Variants in GPC5 observed in about 807,000 individuals in gnomAD.
GPC5 encodes the protein glypican-5.
A neutral mutation model predicts 53.9 loss-of-function variants in GPC5; 47 were observed. That is an observed-to-expected ratio of 0.87 (90% CI 0.69 to 1.11). The LOEUF is 1.11. GPC5 is among the 50% of genes most tolerant of loss of function. The pLI is 0.00. For missense variants in GPC5, 748 were observed against 713.1 expected (o/e 1.05, Z -0.56); for synonymous variants, 286 against 263.3 (o/e 1.09, Z -0.84).
At chr13:91,916,258 A>G (rs1157560347) in intron 6 of GPC5, among the ~76,000 whole-genome samples, 4 of 152,222 alleles carry the variant, frequency 2.6e-5, no homozygotes, top group African/African-American at 9.6e-5. Flanking sequence ...TCAAAATGTT[A>G]ACCATTATGA....
intron 5 of GPC5, among the ~76,000 whole-genome samples, chr13:91,803,081 A>T (rs1285972886): frequency 5.3e-5 from 8 of 152,182 alleles, no homozygotes; most frequent in Non-Finnish European, 1.2e-4. Flanking sequence ...CAGAACTCAA[A>T]CAATTTGAAG....
chr13:92,111,876 A>T (rs1275474763), intron 6 of GPC5, among the ~76,000 whole-genome samples: 1 of 152,200 alleles, frequency 6.6e-6, no homozygotes, highest in African/African-American at 2.4e-5. Context: ...ACTATTTTGA[A>T]GGGAGGATGA....
At chr13:92,600,201 A>G (rs1884002216) in intron 7 of GPC5, among the ~76,000 whole-genome samples, 1 of 152,122 alleles carries the variant, frequency 6.6e-6, no homozygotes, top group South Asian at 2.1e-4. Context: ...TTTTTCTCCA[A>G]CAGTACAACC....
chr13:91,760,759 A>G (rs372968577), intron 5 of GPC5, among the ~76,000 whole-genome samples: 10 of 152,314 alleles, frequency 6.6e-5, no homozygotes, highest in South Asian at 2.1e-4. Flanking sequence ...AAACTGTGTG[A>G]AATCACCTAT....
intron 7 of GPC5, among the ~76,000 whole-genome samples, chr13:92,199,620 T>C (rs1248136254): frequency 1.3e-5 from 2 of 152,344 alleles, no homozygotes; most frequent in East Asian, 3.9e-4. Flanking sequence ...ACACTTTGTA[T>C]GTTTGGCTAT....
intron 7 of GPC5, among the ~76,000 whole-genome samples, chr13:92,163,642 C>G (rs2042006844): frequency 6.6e-6 from 1 of 152,116 alleles, no homozygotes; most frequent in Non-Finnish European, 1.5e-5. Context: ...CTTGTCATCA[C>G]TAGCTACACC....
At position 92,031,752 on chromosome 13, in the gene GPC5, T is replaced by TATTATATATTATATATAATATATAA. The variant is rs1566403212; in HGVS notation, c.1402-113078_1402-113077insATTATATATTATATATAATATATAA. On this transcript the variant is annotated intron_variant, in intron 6 of 7. Transcript: ENST00000377067. ...TATTACATATTATATATAATATATA[T>TATTATATATTATATATAATATATAA]TATATTACATATTATATATAATATA... Among the ~76,000 whole-genome samples the TATTATATATTATATATAATATATAA allele has an allele frequency of 2.1e-4, 9 of 43,728 alleles. 1 individual carries two copies. Among genetic ancestry groups the TATTATATATTATATATAATATATAA allele is most frequent in the African/African-American group, 1.2e-3 (9 of 7,736 alleles). The allele number at this position is 43,728 out of a possible 152,430, so 28.7% of individuals were successfully genotyped here.
intron 7 of GPC5, among the ~76,000 whole-genome samples, chr13:92,592,857 T>A (rs897935235): frequency 5.3e-5 from 8 of 151,208 alleles, no homozygotes; most frequent in Non-Finnish European, 8.9e-5. Context: ...TGAGTGAGGT[T>A]GAGGGATGGG....
chr13:92,226,283 C>T (rs2042485536), intron 7 of GPC5, among the ~76,000 whole-genome samples: 1 of 152,148 alleles, frequency 6.6e-6, no homozygotes, highest in East Asian at 1.9e-4. Context: ...TAATACATTC[C>T]AGTTCATTTT....
intron 5 of GPC5, among the ~76,000 whole-genome samples, chr13:91,899,175 A>T (rs2039472452): frequency 6.6e-6 from 1 of 152,178 alleles, no homozygotes; most frequent in African/African-American, 2.4e-5. Flanking sequence ...CTGCTTTAGA[A>T]GAGAACAAAT....
At chr13:92,474,789 G>A (rs929434178) in intron 7 of GPC5, among the ~76,000 whole-genome samples, 119 of 152,186 alleles carry the variant, frequency 7.8e-4, no homozygotes, top group Non-Finnish European at 3.7e-4. Flanking sequence ...TATTGGAATT[G>A]TAGACAACCC....
chr13:92,424,394 A>T (rs974069694), intron 7 of GPC5, among the ~76,000 whole-genome samples: 1 of 152,106 alleles, frequency 6.6e-6, no homozygotes, highest in African/African-American at 2.4e-5. Flanking sequence ...TTAAATAGCT[A>T]TGTACAAATA....
rs993072438 is a variant in GPC5 at position 92,160,244 on chromosome 13, G to A, written c.1561+15255G>A. On this transcript the variant is annotated intron_variant, in intron 7 of 7. Transcript: ENST00000377067. Reference sequence around the variant, plus strand: ...ATTTTTGCTTTACTAACTCTTAAAGGTCTATATACCAATTCCGATATTAAA... The same window carrying A: ...ATTTTTGCTTTACTAACTCTTAAAGATCTATATACCAATTCCGATATTAAA... Among the ~76,000 whole-genome samples, 7 of 152,040 alleles carry A rather than the reference G, an allele frequency of 4.6e-5. No homozygotes were observed. The East Asian group carries it at 1.2e-3, about 25-fold the overall frequency.
chr13:91,497,004 T>G (rs1318092052), intron 2 of GPC5, among the ~76,000 whole-genome samples: 1 of 152,220 alleles, frequency 6.6e-6, no homozygotes, highest in Admixed American at 6.5e-5. Flanking sequence ...TTATTGCTTT[T>G]CTGTTTATTT....
At chr13:92,107,223 T>G (rs1395129027) in intron 6 of GPC5, among the ~76,000 whole-genome samples, 1 of 152,098 alleles carries the variant, frequency 6.6e-6, no homozygotes, top group Admixed American at 6.6e-5. Flanking sequence ...CTTAGTTTTT[T>G]CAAGTTCAAC....
At chr13:91,650,727 T>G (rs951027605) in intron 2 of GPC5, among the ~76,000 whole-genome samples, 1 of 143,342 alleles carries the variant, frequency 7.0e-6, no homozygotes. Context: ...ACTGTGAACA[T>G]CTGTGAAACA....
At chr13:91,930,624 C>G (rs1183873911) in intron 6 of GPC5, among the ~76,000 whole-genome samples, 1 of 151,994 alleles carries the variant, frequency 6.6e-6, no homozygotes, top group African/African-American at 2.4e-5. Flanking sequence ...CCACCTAACA[C>G]ATGGCAGCCC....
At chr13:92,622,952 A>G (rs1162492736) in intron 7 of GPC5, among the ~76,000 whole-genome samples, 1 of 152,204 alleles carries the variant, frequency 6.6e-6, no homozygotes, top group Non-Finnish European at 1.5e-5. Flanking sequence ...TGAGGGAAGA[A>G]GAAAGGAATG....
intron 2 of GPC5, among the ~76,000 whole-genome samples, chr13:91,558,447 A>G (rs2031079808): frequency 6.6e-6 from 1 of 152,030 alleles, no homozygotes; most frequent in South Asian, 2.1e-4. Context: ...TTGGATGTGG[A>G]CCATGTAAAT....
Sources: gnomAD v4.1 joint callset for allele counts (sites outside exome capture counted in the v4.1 genomes callset) on GRCh38, gnomAD v4.1.1 for gene constraint, MANE v1.5 for transcripts, NCBI Gene and HGNC (gene_info 2026-07-23, HGNC 2026-07-21) for gene names.